The following NEB variants were observed in gnomAD, a reference collection of about 807,000 sequenced individuals.
NEB encodes the protein nebulin.
A neutral mutation model predicts 952.2 loss-of-function variants in NEB; 512 were observed. That is an observed-to-expected ratio of 0.54 (90% CI 0.50 to 0.58). The LOEUF (loss-of-function observed/expected upper bound fraction) is 0.58, where lower values mean the gene tolerates loss of function less well. NEB is among the 20% of genes least tolerant of loss of function. The probability of loss-of-function intolerance (pLI) is 0.00; values close to 1 mark genes in which losing one functional copy is unlikely to be tolerated. For synonymous variants in NEB, 2,900 were observed against 3,149.8 expected (o/e 0.92, Z 2.66); for missense variants, 8,428 against 9,231.1 (o/e 0.91, Z 3.56).
intron 127 of NEB, among the ~76,000 whole-genome samples, chr2:151,553,159 A>C (rs982767096): frequency 6.6e-6 from 1 of 152,208 alleles, no homozygotes; most frequent in Admixed American, 6.5e-5. Flanking sequence ...CCTAAAACAT[A>C]GAAAGAGAAG....
chr2:151,707,654 C>T (rs761960861), intron 12 of NEB, among the ~76,000 whole-genome samples: 1 of 152,070 alleles, frequency 6.6e-6, no homozygotes, highest in Non-Finnish European at 1.5e-5. Context: ...GTTCACAAGC[C>T]CCCATCAGGA....
Position 151,489,236 on chromosome 2 carries a change from A to G in NEB, c.25404+735T>C, listed in dbSNP as rs142323216. Among the ~76,000 whole-genome samples the G allele has an allele frequency of 6.6e-4, 100 of 152,322 alleles. No individual in the cohort carries two copies. The East Asian group carries it at 0.019, about 29-fold the overall frequency. The stretch of plus-strand genomic sequence containing the variant: ...AGATTGTTCATATCAATCCTAAAGT[A>G]TTAGGCTTTTGAGGATATTATGAAT... On this transcript the variant is annotated intron_variant, in intron 181 of 181. Transcript: ENST00000397345.
intron 77 of NEB, among the ~76,000 whole-genome samples, chr2:151,613,355 C>A (rs747063282): frequency 3.3e-5 from 5 of 152,264 alleles, no homozygotes; most frequent in African/African-American, 4.8e-5. Flanking sequence ...TAAATAGACA[C>A]AAAATTATAA....
At chr2:151,498,818 T>TTTAA (rs772318963) in intron 169 of NEB, among the ~76,000 whole-genome samples, 8 of 152,024 alleles carry the variant, frequency 5.3e-5, no homozygotes, top group Non-Finnish European at 1.0e-4. Flanking sequence ...AGTCAGAGTA[T>TTTAA]TTAATTTTTA....
At chr2:151,555,769 G>A (rs1157017893) in intron 124 of NEB, among the ~76,000 whole-genome samples, 2 of 151,686 alleles carry the variant, frequency 1.3e-5, no homozygotes, top group East Asian at 1.9e-4. Flanking sequence ...ATTGACTGGA[G>A]GCCAACCAAA....
chr2:151,498,144 A>G (rs148897243), intron 170 of NEB, 116 bp downstream of exon 170: 4 of 1,530,132 alleles, frequency 2.6e-6, no homozygotes, highest in Non-Finnish European at 3.5e-6. Context: ...CTTTTGTAAT[A>G]TAAGATGTAT....
Position 151,618,004 on chromosome 2 carries a change from G to A in NEB, c.11076+271C>T, listed in dbSNP as rs181305099. On this transcript the variant is annotated intron_variant, in intron 74 of 181. Transcript: ENST00000397345. ...GAACCCAGGAGGTGGAGGTTGCAGT[G>A]AGCCAAGATCGTGCCATTGCACTCC... 5.4e-4 allele frequency among the ~76,000 whole-genome samples: 82 copies of A among 152,272 alleles called. 1 individual carries two copies. Among genetic ancestry groups the A allele is most frequent in the East Asian group, 5.0e-3 (26 of 5,172 alleles).
At position 151,672,438 on chromosome 2, in the gene NEB, A is replaced by C; in HGVS notation, c.4230T>G (p.His1410Gln). ...ATNVNYKQPL[H>Q]HYTYLPDAMS... is the part of the protein sequence containing the mutation. ...TGGCGTCAGGTAGGTATGTGTAATG[A>C]TGCAATGGCTGTTTGTAGTTGACAT... The change falls in exon 37 of 182, where the codon CAT (histidine) becomes CAG (glutamine). Residue 1410 changes from histidine (H) to glutamine (Q), a missense_variant. Coordinates refer to ENST00000397345, the MANE Select transcript of NEB (RefSeq NM_001164508.2). 6.2e-7 allele frequency: 1 copy of C among 1,613,946 alleles called. No individual in the cohort carries two copies. Among genetic ancestry groups the C allele is most frequent in the Non-Finnish European group, 8.5e-7 (1 of 1,179,816 alleles).
chr2:151,560,423 AGCACATAGACTCTAAT>A (rs1469902783), intron 124 of NEB, among the ~76,000 whole-genome samples, 153 bp downstream of exon 124: 1 of 152,180 alleles, frequency 6.6e-6, no homozygotes, highest in African/African-American at 2.4e-5. Context: ...ACAGGCAGTG[AGCACATAGACTCTAAT>A]GACTGAGCAT....
chr2:151,514,064 A>G (rs1231824087), intron 159 of NEB, among the ~76,000 whole-genome samples: 1 of 152,244 alleles, frequency 6.6e-6, no homozygotes, highest in Non-Finnish European at 1.5e-5. Context: ...CACCAAATAT[A>G]TCAAGTTAAA....
Position 151,535,684 on chromosome 2 carries a change from T to C in NEB, c.21312+7A>G, listed in dbSNP as rs2153534308. On this transcript the variant is annotated splice_region_variant and intron_variant, in intron 142 of 181. Transcript: ENST00000397345. ...AGGCTTAATTGGAGCAGTTTATTCA[T>C]ACATACCTCATTCATCAATTGAGTT... 6.3e-7 allele frequency: 1 copy of C among 1,576,828 alleles called. No individual in the cohort carries two copies.
chr2:151,620,347 G>GTATATATATATATATATA (rs71000481), intron 72 of NEB, among the ~76,000 whole-genome samples: 4 of 48,462 alleles, frequency 8.3e-5, no homozygotes, highest in Non-Finnish European at 1.1e-4. Flanking sequence ...GTATGTGTGT[G>GTATATATATATATATATA]TATATATATA....
intron 12 of NEB, among the ~76,000 whole-genome samples, chr2:151,708,170 T>C (rs1464085337): frequency 6.6e-6 from 1 of 152,068 alleles, no homozygotes. Flanking sequence ...AAATCTTCCC[T>C]TTCTACTGGA....
At chr2:151,508,818 T>A (rs1278902369) in intron 161 of NEB, among the ~76,000 whole-genome samples, 1 of 152,270 alleles carries the variant, frequency 6.6e-6, no homozygotes, top group Non-Finnish European at 1.5e-5. Flanking sequence ...AGCCTTTGGC[T>A]GGAGAGACGT....
rs780337761 is a variant in NEB at position 151,527,531 on chromosome 2, C to G, written c.21790G>C (p.Asp7264His). ...GCAGCCTGGAGGAAGTCCGGTCGGT[C>G]AGGAGTCCACTTCCAGTGGGCTTTG... Reference protein sequence around the residue: ...ANKAHWKWTPDRPDFLQAAKS... With the variant: ...ANKAHWKWTPHRPDFLQAAKS... Residue 7264 changes from aspartate to histidine, a missense_variant, in exon 147 of 182, where the codon GAC (aspartate) becomes CAC (histidine). By Grantham distance (81) the Asp-to-His change is moderately conservative. Around this residue, in one of 11 missense-constraint regions of NEB, gnomAD observed 3,374 missense variants for 3,651.5 expected, o/e 0.92. Coordinates refer to ENST00000397345, the MANE Select transcript of NEB (RefSeq NM_001164508.2). 6.2e-7 allele frequency: 1 copy of G among 1,613,470 alleles called. No homozygotes were observed. The highest frequency in any genetic ancestry group is 8.5e-7 in the Non-Finnish European group (1 of 1,179,674).
At chr2:151,493,933 A>G (rs957266874) in intron 174 of NEB, 66 bp from the exon 175 acceptor site, 9 of 1,160,212 alleles carry the variant, frequency 7.8e-6, no homozygotes, top group Non-Finnish European at 1.1e-5. Flanking sequence ...TTATATTGCA[A>G]GTTGGGGGGA....
Position 151,694,420 on chromosome 2 carries a change from T to C in NEB, c.1799A>G (p.Asp600Gly), listed in dbSNP as rs552439665. The C allele has an allele frequency of 6.2e-7, 1 of 1,613,846 alleles. No individual in the cohort carries two copies. Among genetic ancestry groups the C allele is most frequent in the Non-Finnish European group, 8.5e-7 (1 of 1,179,820 alleles). Residue 600 changes from aspartate to glycine, a missense_variant, in exon 20 of 182, where the codon GAC (aspartate) becomes GGC (glycine). Around this residue, in one of 11 missense-constraint regions of NEB, gnomAD observed 2,851 missense variants for 2,791.5 expected, o/e 1.02. Coordinates refer to ENST00000397345, the MANE Select transcript of NEB (RefSeq NM_001164508.2). ...KNTSDVMYKK[D>G]YEKNKGKMIG... is the part of the protein sequence containing the mutation. ...CATTTTCCCTTTGTTTTTTTCATAG[T>C]CTTTCTTGTACATCACCTGCAAAGA...
At chr2:151,659,824 T>A (rs148151643) in intron 46 of NEB, among the ~76,000 whole-genome samples, 5 of 152,344 alleles carry the variant, frequency 3.3e-5, no homozygotes, top group Middle Eastern at 3.4e-3. Flanking sequence ...TTAGACATAT[T>A]TGAACCTTCT....
rs1451848166 is a variant in NEB at position 151,664,883 on chromosome 2, T to G, written c.5239-20A>C. ...GAGCCTCTGCAATGAGAAAGTCAGG[T>G]GCATGATTTTACAGCAGGACAAGTT... On this transcript the variant is annotated intron_variant, in intron 42 of 181. Transcript: ENST00000397345. 1.3e-6 allele frequency: 2 copies of G among 1,558,428 alleles called. No individual in the cohort carries two copies. Among genetic ancestry groups the G allele is most frequent in the African/African-American group, 2.7e-5 (2 of 73,730 alleles).
Sources: gnomAD v4.1 joint callset for allele counts (sites outside exome capture counted in the v4.1 genomes callset) on GRCh38, gnomAD v4.1.1 for gene constraint, gnomAD v4.1.1 regional missense constraint, MANE v1.5 for transcripts, NCBI Gene and HGNC (gene_info 2026-07-23, HGNC 2026-07-21) for gene names.